Variants in DST observed in about 807,000 individuals in gnomAD.
The protein encoded by DST is dystonin, also known as bullous pemphigoid antigen.
In DST, 253 loss-of-function variants were observed where a neutral mutation model predicts 875.2. The observed-to-expected ratio is 0.29, with a 90% CI of 0.26 to 0.32. The LOEUF is 0.32. Among genes scored for constraint, DST ranks in the 10% least tolerant of loss-of-function variants. The probability of loss-of-function intolerance (pLI) is 1.00; values close to 1 mark genes in which losing one functional copy is unlikely to be tolerated. For synonymous variants in DST, 3,124 were observed against 3,197.1 expected (o/e 0.98, Z 0.77); for missense variants, 8,287 against 9,111.6 (o/e 0.91, Z 3.68).
In DST at chr6:56,605,643, A is replaced by G. The variant is rs1436049056; in HGVS notation, c.8985T>C (p.Asp2995=). The G allele has an allele frequency of 1.2e-6, 2 of 1,612,914 alleles. No individual in the cohort carries two copies. Among genetic ancestry groups the G allele is most frequent in the Non-Finnish European group, 1.7e-6 (2 of 1,179,350 alleles). ...AATCAGGCTCAGTACAAATGATGTG[A>G]TCAAGAGATGAGTCAACTTTTGGTG... is the stretch of plus-strand genomic sequence containing the variant. The part of the protein sequence containing the change: ...NMTPKVDSSL[D]HIICTEPDLI... The change falls in exon 40 of 104, where the codon GAT becomes GAC. Residue 2995 remains aspartate (D), a synonymous_variant. Transcript: ENST00000680361.
At position 56,619,360 on chromosome 6, in the gene DST, G is replaced by A. The variant is rs191617697; in HGVS notation, c.4930-4876C>T. 1.4e-3 allele frequency: 2,273 copies of A among 1,613,438 alleles called. 54 individuals are homozygous for A. In the Admixed American group the frequency reaches 0.036, roughly 25 times the overall value. On this transcript the variant is annotated intron_variant, in intron 36 of 103. Transcript: ENST00000680361. ...CATTACTTTTCTCCAATTCTTCATT[G>A]AGCCTTTGGATTTTATCATTATTTT...
chr6:56,755,855 G>A (rs1279360294), intron 4 of DST, among the ~76,000 whole-genome samples: 1 of 152,168 alleles, frequency 6.6e-6, no homozygotes, highest in African/African-American at 2.4e-5. Flanking sequence ...ACATAGCCTT[G>A]CTAGCCATAC....
rs1193011912 is a variant in DST at position 56,482,876 on chromosome 6, G to A, written c.21209C>T (p.Ala7070Val). The change falls in exon 89 of 104, where the codon GCC becomes GTC. Residue 7070 changes from alanine to valine, a missense_variant and splice_region_variant. Ala to Val is a moderately conservative substitution (Grantham distance 64). Coordinates refer to ENST00000680361, the MANE Select transcript of DST (RefSeq NM_001374736.1). ...LVMNLIDNHK[A>V]FQKELGKRTS... ...CCTCTTCCCCAACTCTTTTTGGAAG[G>A]CCTAAGAAGACCATATTTTGAAAAA... 6.7e-7 allele frequency: 1 copy of A among 1,503,250 alleles called. No individual in the cohort carries two copies. The highest frequency in any genetic ancestry group is 8.9e-7 in the Non-Finnish European group (1 of 1,124,352). The allele number at this position is 1,503,250 out of a possible 1,614,324, so 93.1% of individuals were successfully genotyped here. A position where few individuals can be genotyped will look rare whatever the true frequency, so the allele number is the denominator to read the frequency against.
At chr6:56,690,756 T>G (rs1274275509) in intron 9 of DST, among the ~76,000 whole-genome samples, 1 of 152,072 alleles carries the variant, frequency 6.6e-6, no homozygotes, top group Non-Finnish European at 1.5e-5. Context: ...CAATGAAAAA[T>G]GTAGAATCCA....
rs761495928 is a variant in DST, at chr6:56,498,018, T to C, written c.19932A>G (p.Thr6644=). ...LQNDVLAHQS[T]VEAVNKAGND... ...TTCCTGCTTTATTAACGGCTTCCACTGTGGACTGATGGGCTAATACATCAT... is the reference window on the plus strand; with the variant it reads ...TTCCTGCTTTATTAACGGCTTCCACCGTGGACTGATGGGCTAATACATCAT... Residue 6644 remains threonine, a synonymous_variant, in exon 81 of 104, where the codon ACA becomes ACG. Coordinates refer to ENST00000680361, the MANE Select transcript of DST (RefSeq NM_001374736.1). The C allele has an allele frequency of 7.1e-5, 115 of 1,613,294 alleles. No homozygotes were observed. Among genetic ancestry groups the C allele is most frequent in the Non-Finnish European group, 9.3e-5 (110 of 1,179,520 alleles).
At chr6:56,639,876 G>A in intron 19 of DST, 53 bp downstream of exon 19, 1 of 1,600,306 alleles carries the variant, frequency 6.2e-7, no homozygotes, top group East Asian at 2.2e-5. Flanking sequence ...CATGTAAAAA[G>A]CAAAACAAGA....
At chr6:56,868,360 C>T (rs530066974) in intron 3 of DST, among the ~76,000 whole-genome samples, 7 of 152,270 alleles carry the variant, frequency 4.6e-5, no homozygotes, top group African/African-American at 1.7e-4. Flanking sequence ...CCTAAATTGT[C>T]CACAAATCCA....
intron 91 of DST, 128 bp from the exon 92 acceptor site, chr6:56,476,465 T>A (rs2152409695): frequency 1.3e-6 from 1 of 772,870 alleles, no homozygotes; most frequent in East Asian, 2.9e-5. Context: ...GCTTCTGGTC[T>A]TTTTAGATTC....
intron 4 of DST, among the ~76,000 whole-genome samples, chr6:56,795,404 G>C (rs566459542): frequency 1.3e-5 from 2 of 152,114 alleles, no homozygotes; most frequent in African/African-American, 4.8e-5. Flanking sequence ...AGAAGAACGG[G>C]AGAAAATAAA....
chr6:56,459,860 G>A (rs976989274), intron 103 of DST, among the ~76,000 whole-genome samples: 7 of 152,140 alleles, frequency 4.6e-5, no homozygotes, highest in African/African-American at 1.7e-4. Flanking sequence ...GCTGGCAGAA[G>A]AGCCAAAATC....
chr6:56,674,280 TCTC>T (rs961646108), intron 9 of DST, among the ~76,000 whole-genome samples: 3 of 151,822 alleles, frequency 2.0e-5, no homozygotes, highest in South Asian at 2.1e-4. Flanking sequence ...ACTCACATAA[TCTC>T]CTAAAATCCA....
intron 60 of DST, 143 bp downstream of exon 60, chr6:56,555,202 C>T: frequency 1.2e-6 from 1 of 868,104 alleles, no homozygotes; most frequent in Non-Finnish European, 1.7e-6. Flanking sequence ...TCTCTGAGCT[C>T]CTGTATTCAT....
In DST at chr6:56,824,057, G is replaced by C. The variant is rs1040498821; in HGVS notation, c.625+27340C>G. ...CTTTCCACGGTCTCCCTCTGATGCC[G>C]AGTCGAAGCTGGACTGTACTGCTGC... On this transcript the variant is annotated intron_variant, in intron 4 of 103. Coordinates refer to ENST00000680361, the MANE Select transcript of DST (RefSeq NM_001374736.1). 9.7e-4 allele frequency among the ~76,000 whole-genome samples: 148 copies of C among 152,052 alleles called. 4 individuals are homozygous for C. The highest frequency in any genetic ancestry group is 1.9e-4 in the Non-Finnish European group (13 of 68,008).
chr6:56,727,501 AT>A (rs1203052999), intron 5 of DST, among the ~76,000 whole-genome samples: 9 of 152,074 alleles, frequency 5.9e-5, no homozygotes, highest in African/African-American at 2.2e-4. Flanking sequence ...ACAAAGTGTA[AT>A]TTTTTTTCTT....
intron 49 of DST, among the ~76,000 whole-genome samples, chr6:56,591,434 T>C (rs573661707): frequency 2.0e-5 from 3 of 152,350 alleles, no homozygotes; most frequent in East Asian, 3.9e-4. Context: ...CAACTGTCCA[T>C]TCCTTAACAA....
chr6:56,841,188 T>C (rs2099799536), intron 4 of DST, among the ~76,000 whole-genome samples: 1 of 152,178 alleles, frequency 6.6e-6, no homozygotes, highest in East Asian at 1.9e-4. Context: ...TGGATACTGA[T>C]GGGAAATCAT....
At chr6:56,584,470 C>A (rs373323320) in intron 49 of DST, among the ~76,000 whole-genome samples, 1 of 147,360 alleles carries the variant, frequency 6.8e-6, no homozygotes, top group Non-Finnish European at 1.5e-5. Context: ...CTGAAGTTGC[C>A]TATCAGCTTA....
At chr6:56,567,718 G>A (rs1442652325) in intron 55 of DST, among the ~76,000 whole-genome samples, 1 of 152,080 alleles carries the variant, frequency 6.6e-6, no homozygotes, top group Non-Finnish European at 1.5e-5. Flanking sequence ...TATCACAATA[G>A]GGACAGCTGG....
chr6:56,473,495 C>T (rs143196949), intron 93 of DST, among the ~76,000 whole-genome samples: 3 of 152,224 alleles, frequency 2.0e-5, no homozygotes, highest in Non-Finnish European at 4.4e-5. Context: ...ACAACTAAGT[C>T]ATGAAGATTA....
Sources: gnomAD v4.1 joint callset for allele counts (sites outside exome capture counted in the v4.1 genomes callset) on GRCh38, gnomAD v4.1.1 for gene constraint, MANE v1.5 for transcripts, NCBI Gene and HGNC (gene_info 2026-07-23, HGNC 2026-07-21) for gene names.